The following IL1RAPL2 variants were observed in gnomAD, a reference collection of about 807,000 sequenced individuals.
The protein encoded by IL1RAPL2 is X-linked interleukin-1 receptor accessory protein-like 2.
IL1RAPL2 carries 3 observed loss-of-function variants against 44.1 expected under a neutral mutation model. That is an observed-to-expected ratio of 0.07 (90% confidence interval 0.03 to 0.18). The LOEUF is 0.18. Ranked by LOEUF, IL1RAPL2 falls within the 10% of genes least tolerant of loss-of-function variation. IL1RAPL2 has a pLI of 1.00. For missense variants in IL1RAPL2, 391 were observed against 496.4 expected (o/e 0.79, Z 2.02); for synonymous variants, 181 against 178.8 (o/e 1.01, Z -0.10).
chrX:105,058,140 A>G (rs1189209722), intron 2 of IL1RAPL2, among the ~76,000 whole-genome samples: 2 of 109,057 alleles, frequency 1.8e-5, no homozygotes, highest in Non-Finnish European at 3.8e-5. Context: ...TTCAGTAGAG[A>G]TGGGGTTTCA....
In IL1RAPL2 at chrX:104,717,760, C is replaced by A. The variant is rs183041368; in HGVS notation, c.82+58765C>A. On this transcript the variant is annotated intron_variant, in intron 2 of 10. Coordinates refer to ENST00000372582, the MANE Select transcript of IL1RAPL2 (RefSeq NM_017416.2). ...ATCTCTCCTAATGCTATCTCCCCCC[C>A]CCACCCCACAACAGTCCCCGGTGTG... Among the ~76,000 whole-genome samples, 85 of 108,688 alleles carry A rather than the reference C, an allele frequency of 7.8e-4. 1 individual carries two copies. The highest frequency in any genetic ancestry group is 2.7e-3 in the African/African-American group (80 of 29,916). The allele number at this position is 108,688 out of a possible 115,157, so 94.4% of individuals were successfully genotyped here.
intron 5 of IL1RAPL2, among the ~76,000 whole-genome samples, chrX:105,435,380 A>G (rs2035874787): frequency 9.0e-6 from 1 of 111,590 alleles, no homozygotes; most frequent in South Asian, 3.8e-4. Context: ...ATTATTAAAA[A>G]GTCAAGAAAC....
At chrX:104,677,210 T>G (rs983909298) in intron 2 of IL1RAPL2, among the ~76,000 whole-genome samples, 1 of 111,962 alleles carries the variant, frequency 8.9e-6, no homozygotes, top group Non-Finnish European at 1.9e-5. Flanking sequence ...GTTCTGTTTT[T>G]TCCCCATCTT....
At chrX:105,761,237 A>ACG (rs1691020161) in intron 10 of IL1RAPL2, among the ~76,000 whole-genome samples, 1 of 105,854 alleles carries the variant, frequency 9.4e-6, no homozygotes, top group African/African-American at 3.5e-5. Flanking sequence ...ACACACACAC[A>ACG]CACACACACA....
chrX:104,938,123 A>T (rs1304053470), intron 2 of IL1RAPL2, among the ~76,000 whole-genome samples: 1 of 112,475 alleles, frequency 8.9e-6, no homozygotes, highest in Non-Finnish European at 1.9e-5. Flanking sequence ...TATTGAAAAC[A>T]TTACAATCTG....
At chrX:105,358,357 A>G (rs983056077) in intron 5 of IL1RAPL2, among the ~76,000 whole-genome samples, 2 of 60,523 alleles carry the variant, frequency 3.3e-5, no homozygotes, top group Non-Finnish European at 5.6e-5. Flanking sequence ...TAAAAAGTTC[A>G]GTCTTTTTTT....
chrX:105,557,988 G>T (rs1030976036), intron 6 of IL1RAPL2, among the ~76,000 whole-genome samples: 4 of 110,322 alleles, frequency 3.6e-5, no homozygotes, highest in Non-Finnish European at 7.6e-5. Context: ...CTTAGTAAAG[G>T]GATTTGCTCC....
chrX:105,612,441 G>A (rs2037343602), intron 6 of IL1RAPL2, among the ~76,000 whole-genome samples: 2 of 111,783 alleles, frequency 1.8e-5, no homozygotes, highest in East Asian at 2.8e-4. Flanking sequence ...TGTGGAAGGG[G>A]TGGAGCAAGG....
rs527529797 is a variant in IL1RAPL2, at chrX:105,703,449, A to C, written c.773-13918A>C. 1.5e-4 allele frequency among the ~76,000 whole-genome samples: 17 copies of C among 111,733 alleles called. 1 individual carries two copies. The highest frequency in any genetic ancestry group is 4.9e-4 in the African/African-American group (15 of 30,832). Reference sequence around the variant, plus strand: ...AAAATGGAAAAGGGAAGAGGTTGAAAGCCAAGAAAAAGCCCCTCAGGAAGA... The same window carrying C: ...AAAATGGAAAAGGGAAGAGGTTGAACGCCAAGAAAAAGCCCCTCAGGAAGA... On this transcript the variant is annotated intron_variant, in intron 6 of 10. Transcript: ENST00000372582.
chrX:105,096,990 C>T (rs752604585), intron 2 of IL1RAPL2, among the ~76,000 whole-genome samples: 1 of 110,790 alleles, frequency 9.0e-6, no homozygotes, highest in African/African-American at 3.3e-5. Context: ...ATCTGTGATA[C>T]TTTAGGCTGC....
At chrX:104,986,777 T>C (rs982994465) in intron 2 of IL1RAPL2, among the ~76,000 whole-genome samples, 6 of 112,494 alleles carry the variant, frequency 5.3e-5, no homozygotes, top group Non-Finnish European at 1.1e-4. Context: ...AGATAATTTT[T>C]TTCTGACTTC....
intron 5 of IL1RAPL2, among the ~76,000 whole-genome samples, chrX:105,343,959 A>G (rs1193714349): frequency 9.4e-6 from 1 of 106,169 alleles, no homozygotes; most frequent in Non-Finnish European, 1.9e-5. Context: ...CAGTGGTGTG[A>G]TCTTGGCTCA....
intron 6 of IL1RAPL2, among the ~76,000 whole-genome samples, chrX:105,485,029 C>A (rs1288695720): frequency 9.0e-6 from 1 of 111,699 alleles, no homozygotes; most frequent in Admixed American, 9.5e-5. Context: ...CAGAGGCCTG[C>A]TAGGATCTCT....
rs1350219091 is a variant in IL1RAPL2 at position 105,128,221 on chromosome X, G to A, written c.83-67254G>A. Among the ~76,000 whole-genome samples the A allele has an allele frequency of 3.6e-5, 4 of 110,063 alleles. No individual in the cohort carries two copies. In the East Asian group the frequency reaches 1.1e-3, roughly 32 times the overall value. ...CTGAAATATCTCCTCTTTGCCTTAA[G>A]ACTGTTATTGCTCATTCTTATTTGT... On this transcript the variant is annotated intron_variant, in intron 2 of 10. Transcript: ENST00000372582.
rs186898629 is a variant in IL1RAPL2, at chrX:105,377,529, T to C, written c.698-106784T>C. ...TGATCTTTTTCTTGGTATTTGAAAGTCATGCTAGTTAGAAAAAAAATCAGT... is the reference window on the plus strand; with the variant it reads ...TGATCTTTTTCTTGGTATTTGAAAGCCATGCTAGTTAGAAAAAAAATCAGT... On this transcript the variant is annotated intron_variant, in intron 5 of 10. Coordinates refer to ENST00000372582, the MANE Select transcript of IL1RAPL2 (RefSeq NM_017416.2). Among the ~76,000 whole-genome samples the C allele has an allele frequency of 1.6e-3, 177 of 111,195 alleles. 2 individuals carry two copies. The highest frequency in any genetic ancestry group is 5.5e-3 in the African/African-American group (169 of 30,652).
chrX:105,017,487 G>C (rs1455312298), intron 2 of IL1RAPL2, among the ~76,000 whole-genome samples: 3 of 111,392 alleles, frequency 2.7e-5, no homozygotes, highest in Non-Finnish European at 3.8e-5. Flanking sequence ...GTCCCTCAAA[G>C]GAAAATTATT....
intron 5 of IL1RAPL2, among the ~76,000 whole-genome samples, chrX:105,370,285 A>G (rs1388504068): frequency 1.8e-5 from 2 of 111,605 alleles, no homozygotes; most frequent in South Asian, 3.7e-4. Flanking sequence ...GGCAAATTGC[A>G]TATCATGGGG....
At chrX:104,590,089 G>A (rs1184359495) in intron 1 of IL1RAPL2, among the ~76,000 whole-genome samples, 1 of 111,642 alleles carries the variant, frequency 9.0e-6, no homozygotes, top group East Asian at 2.8e-4. Flanking sequence ...CTGTCGCCCA[G>A]GCTGGAGTGC....
intron 6 of IL1RAPL2, among the ~76,000 whole-genome samples, chrX:105,619,654 C>G: frequency 1.8e-5 from 2 of 110,950 alleles, no homozygotes; most frequent in South Asian, 7.6e-4. Flanking sequence ...TTAAGGTGCT[C>G]CAGTAGTTGT....
Sources: allele counts gnomAD v4.1 joint callset (sites outside exome capture counted in the v4.1 genomes callset), GRCh38; gene constraint gnomAD v4.1.1; transcripts MANE v1.5; gene names NCBI Gene and HGNC (gene_info 2026-07-23, HGNC 2026-07-21).